LRRC37A2: variants seen among roughly 807,000 people sequenced by gnomAD.
The protein encoded by LRRC37A2 is leucine rich repeat containing 37 member A2, also known as leucine-rich repeat-containing protein 37A2.
Under a neutral mutation model 68.8 loss-of-function variants are expected in LRRC37A2, and 9 were observed. That is an observed-to-expected ratio of 0.13 (90% confidence interval 0.08 to 0.23). LRRC37A2 has a LOEUF of 0.23. Among genes scored for constraint, LRRC37A2 ranks in the 10% least tolerant of loss-of-function variants. The probability of loss-of-function intolerance (pLI) is 1.00; values close to 1 mark genes in which losing one functional copy is unlikely to be tolerated. For missense variants in LRRC37A2, 168 were observed against 950.4 expected (o/e 0.18, Z 10.82); for synonymous variants, 63 against 367.6 (o/e 0.17, Z 9.48).
At chr17:46,685,407 A>G in the LRRC37A2 span, among the ~76,000 whole-genome samples, 1 of 151,738 alleles carries the variant, frequency 6.6e-6, no homozygotes, top group Admixed American at 6.6e-5. Context: ...TGCAGGATAT[A>G]TATGTGTGTT....
chr17:47,016,021 T>A, the LRRC37A2 span, among the ~76,000 whole-genome samples: 3 of 152,194 alleles, frequency 2.0e-5, no homozygotes, highest in African/African-American at 4.8e-5. Flanking sequence ...CTCGGCTCAC[T>A]GCAACCTCTG....
the LRRC37A2 span, among the ~76,000 whole-genome samples, chr17:46,760,030 G>T: frequency 6.6e-6 from 1 of 152,192 alleles, no homozygotes; most frequent in Non-Finnish European, 1.5e-5. Context: ...CACTTTGGGA[G>T]GCTGAAGTGG....
At chr17:46,851,504 G>T in the LRRC37A2 span, 1 of 389,164 alleles carries the variant, frequency 2.6e-6, no homozygotes, top group Non-Finnish European at 4.3e-6. The surrounding 1 kb of genome is among the most constrained non-coding windows in gnomAD (Gnocchi z 4.3). Flanking sequence ...GGGCTGGGGA[G>T]CCTCCCAATC....
chr17:46,759,352 G>C, the LRRC37A2 span, among the ~76,000 whole-genome samples: 1,496 of 152,364 alleles, frequency 9.8e-3, 33 homozygotes, highest in African/African-American at 0.031. Context: ...CCACAAGGGT[G>C]TGTGCTGGAC....
chr17:46,726,437 T>G, the LRRC37A2 span: 1 of 921,930 alleles, frequency 1.1e-6, no homozygotes, highest in Non-Finnish European at 1.8e-6. Context: ...GTCCAAAGTG[T>G]TGGTGTTTTC....
At chr17:46,709,091 G>A in the LRRC37A2 span, among the ~76,000 whole-genome samples, 1 of 148,936 alleles carries the variant, frequency 6.7e-6, no homozygotes. Context: ...CCAAAGTGCT[G>A]GGATTACAGG....
the LRRC37A2 span, chr17:46,818,457 C>T: frequency 1.3e-6 from 2 of 1,540,006 alleles, no homozygotes; most frequent in Non-Finnish European, 8.8e-7. Flanking sequence ...AGCCGGCGCC[C>T]CCACCTTCCC....
At chr17:46,989,342 T>C in the LRRC37A2 span, among the ~76,000 whole-genome samples, 1 of 152,360 alleles carries the variant, frequency 6.6e-6, no homozygotes, top group African/African-American at 2.4e-5. Context: ...TCTGGCTAAG[T>C]TGTGCTCAGA....
the LRRC37A2 span, among the ~76,000 whole-genome samples, chr17:46,575,260 C>T: frequency 6.2e-5 from 8 of 128,518 alleles, no homozygotes; most frequent in East Asian, 2.1e-4. Context: ...TGTCAAAACT[C>T]GCTTTGTAAA....
Position 46,528,741 on chromosome 17 carries a change from A to C in LRRC37A2, c.2906+4857A>C, listed in dbSNP as rs1287306654. The C allele has an allele frequency of 7.5e-6, 5 of 662,540 alleles. 1 individual carries two copies. In the East Asian group the frequency reaches 1.1e-4, roughly 15 times the overall value. The allele number at this position is 662,540 out of a possible 1,614,324, so 41.0% of individuals were successfully genotyped here. ...CTTCATCTCAAAAAAAAAAAAAAAA[A>C]GGAAAAAGGCTCACCATTTCAGATT... On this transcript the variant is annotated intron_variant, in intron 6 of 14. Transcript: ENST00000576629.
the LRRC37A2 span, among the ~76,000 whole-genome samples, chr17:46,953,787 C>T: frequency 1.3e-5 from 2 of 152,228 alleles, no homozygotes; most frequent in Admixed American, 1.3e-4. Context: ...CTCTGATGGC[C>T]AGTGATGATG....
At chr17:46,923,546 T>A in the LRRC37A2 span, 1 of 1,326,432 alleles carries the variant, frequency 7.5e-7, no homozygotes, top group East Asian at 2.8e-5. Context: ...AACTCGGTGC[T>A]CCTGGTTGGT....
At chr17:46,753,723 G>A in the LRRC37A2 span, among the ~76,000 whole-genome samples, 1 of 152,098 alleles carries the variant, frequency 6.6e-6, no homozygotes, top group Non-Finnish European at 1.5e-5. Context: ...TCTTATGCAT[G>A]TGGGATAGAG....
At chr17:46,788,612 G>A in the LRRC37A2 span, among the ~76,000 whole-genome samples, 2 of 152,270 alleles carry the variant, frequency 1.3e-5, no homozygotes, top group East Asian at 3.9e-4. Flanking sequence ...TCCGTCACAG[G>A]TAACCTTCAA....
chr17:46,894,826 T>C, the LRRC37A2 span, among the ~76,000 whole-genome samples: 1 of 152,228 alleles, frequency 6.6e-6, no homozygotes, highest in African/African-American at 2.4e-5. Flanking sequence ...AACTTTTCAC[T>C]TCTCCCCCCT....
chr17:46,954,074 C>CA, the LRRC37A2 span, among the ~76,000 whole-genome samples: 1 of 152,108 alleles, frequency 6.6e-6, no homozygotes, highest in Non-Finnish European at 1.5e-5. Context: ...CTTTTGTTGC[C>CA]ATCGCTTTTG....
At chr17:46,958,491 CCTGA>C in the LRRC37A2 span, among the ~76,000 whole-genome samples, 1 of 152,174 alleles carries the variant, frequency 6.6e-6, no homozygotes, top group East Asian at 1.9e-4. Flanking sequence ...TGTCTCACAG[CCTGA>C]CTAAGCCAAG....
chr17:47,015,940 A>T, the LRRC37A2 span, among the ~76,000 whole-genome samples: 1 of 151,784 alleles, frequency 6.6e-6, no homozygotes, highest in East Asian at 1.9e-4. Context: ...CTTCCATTTT[A>T]TTTATTTTAT....
chr17:46,690,611 CAA>C, the LRRC37A2 span, among the ~76,000 whole-genome samples: 1 of 91,820 alleles, frequency 1.1e-5, no homozygotes, highest in African/African-American at 4.4e-5. Context: ...GACTCCGTCT[CAA>C]AAAAAAAAAA....
Sources: allele counts gnomAD v4.1 joint callset (sites outside exome capture counted in the v4.1 genomes callset), GRCh38; gene constraint gnomAD v4.1.1; non-coding constraint Gnocchi (gnomAD v3.1); transcripts MANE v1.5; gene names NCBI Gene and HGNC (gene_info 2026-07-23, HGNC 2026-07-21).